The following MAX variants were observed in gnomAD, a reference collection of about 807,000 sequenced individuals.
MAX encodes the protein MYC associated transcriptional regulator X.
A neutral mutation model predicts 22.3 loss-of-function variants in MAX; 3 were observed. That is an observed-to-expected ratio of 0.13 (90% CI 0.06 to 0.35). The LOEUF (loss-of-function observed/expected upper bound fraction) is 0.35. Among genes scored for constraint, MAX ranks in the 10% least tolerant of loss-of-function variants. MAX has a pLI of 1.00. For missense variants in MAX, 119 were observed against 209.4 expected, an observed-to-expected ratio of 0.57 and a Z score of 2.66; for synonymous variants, 72 against 77.7, an observed-to-expected ratio of 0.93 and a Z score of 0.39.
In MAX at chr14:65,046,136, C is replaced by A. The variant is rs142370956; in HGVS notation, c.172-39852G>T. On this transcript the variant is annotated intron_variant, in intron 3 of 3. Coordinates refer to the MAX transcript ENST00000341653. ...GGATTATAGGCATGCACCACCACGCCCAGCCAATTTTGTATTTTTAGTAGA... is the reference window on the plus strand; with the variant it reads ...GGATTATAGGCATGCACCACCACGCACAGCCAATTTTGTATTTTTAGTAGA... 1.6e-3 allele frequency among the ~76,000 whole-genome samples: 245 copies of A among 152,144 alleles called. 1 individual carries two copies. The highest frequency in any genetic ancestry group is 5.9e-3 in the African/African-American group (244 of 41,508).
chr14:65,086,904 TAGG>T (rs2063348991), intron 3 of MAX, among the ~76,000 whole-genome samples: 1 of 152,198 alleles, frequency 6.6e-6, no homozygotes, highest in African/African-American at 2.4e-5. Context: ...CCCAGAGGCC[TAGG>T]AGGAAAAACT....
Position 65,009,841 on chromosome 14 carries a change from C to T in MAX, c.172-3557G>A, listed in dbSNP as rs769857480. ...AGTTTTCTGACCCTCCATCTCTTCC[C>T]GTGGCTGATCACAGCGTTTATTGGA... is the stretch of plus-strand genomic sequence containing the variant. On this transcript the variant is annotated intron_variant, in intron 3 of 3. Transcript: ENST00000341653. This position sits in a 1 kb window ranked among gnomAD's most constrained non-coding sequence, Gnocchi z 4.2. Among the ~76,000 whole-genome samples the T allele has an allele frequency of 6.6e-5, 10 of 152,152 alleles. No individual in the cohort carries two copies. The highest frequency in any genetic ancestry group is 2.1e-4 in the South Asian group (1 of 4,832).
At chr14:65,102,551 G>C, upstream of MAX, 1 of 1,446,596 alleles carries the variant, frequency 6.9e-7, no homozygotes, top group South Asian at 1.4e-5. Flanking sequence ...CGCACGCCCG[G>C]TCGGCCCCCG....
intron 3 of MAX, among the ~76,000 whole-genome samples, chr14:65,051,956 G>A (rs1281142289): frequency 3.3e-5 from 5 of 151,550 alleles, no homozygotes; most frequent in Admixed American, 6.6e-5. Context: ...CACCATGTCC[G>A]GCTAATTTTT....
chr14:65,052,877 T>C (rs529978930), intron 3 of MAX, among the ~76,000 whole-genome samples: 1 of 152,154 alleles, frequency 6.6e-6, no homozygotes, highest in Admixed American at 6.5e-5. Context: ...AAGTCCAGGG[T>C]AGAGTTATGG....
At position 65,030,722 on chromosome 14, in the gene MAX, A is replaced by G. The variant is rs112148813; in HGVS notation, c.172-24438T>C. On this transcript the variant is annotated intron_variant, in intron 3 of 3. Transcript: ENST00000341653. The surrounding 1 kb of genome is among the most constrained non-coding windows in gnomAD (Gnocchi z 4.5). ...GCCACTGCACTGCAGCCTGGGCAACAAAGTGAGATCCTATCTTAAAAAAAA... is the reference window on the plus strand; with the variant it reads ...GCCACTGCACTGCAGCCTGGGCAACGAAGTGAGATCCTATCTTAAAAAAAA... 6.3e-3 allele frequency among the ~76,000 whole-genome samples: 965 copies of G among 152,180 alleles called. 17 individuals are homozygous for G. Among genetic ancestry groups the G allele is most frequent in the South Asian group, 0.044 (210 of 4,820 alleles).
chr14:65,033,109 C>T (rs927239612), intron 3 of MAX, among the ~76,000 whole-genome samples: 1 of 152,040 alleles, frequency 6.6e-6, no homozygotes, highest in Non-Finnish European at 1.5e-5. Context: ...ATTCAGTGCT[C>T]ATAAGCACGA....
At chr14:65,061,776 C>A in intron 3 of MAX, 1 of 158,574 alleles carries the variant, frequency 6.3e-6, no homozygotes, top group Non-Finnish European at 1.4e-5. Flanking sequence ...GATGAGTTCT[C>A]TGTAAGACTG....
Position 65,032,012 on chromosome 14 carries a change from G to A in MAX, c.172-25728C>T, listed in dbSNP as rs960311855. On this transcript the variant is annotated intron_variant, in intron 3 of 3. Transcript: ENST00000341653. The surrounding 1 kb of genome is among the most constrained non-coding windows in gnomAD (Gnocchi z 5.0). The stretch of plus-strand genomic sequence containing the variant: ...TGTGTGTGTGTGTGTGTGTGTGTGT[G>A]TGTGTGTACTGGTGAGAGGTTTGAA... 6.6e-6 allele frequency among the ~76,000 whole-genome samples: 1 copy of A among 151,746 alleles called. No individual in the cohort carries two copies. The highest frequency in any genetic ancestry group is 2.1e-4 in the South Asian group (1 of 4,804).
intron 3 of MAX, among the ~76,000 whole-genome samples, chr14:65,024,789 A>C (rs930537179): frequency 2.6e-5 from 4 of 152,024 alleles, no homozygotes; most frequent in Non-Finnish European, 5.9e-5. Flanking sequence ...GGGAAAAAAA[A>C]ATATTTTTTT....
chr14:65,085,507 T>A (rs1051638701), intron 3 of MAX, among the ~76,000 whole-genome samples: 1 of 151,636 alleles, frequency 6.6e-6, no homozygotes, highest in African/African-American at 2.4e-5. Flanking sequence ...CTTGGGGGAG[T>A]GAGACCTCTC....
chr14:65,038,955 A>G (rs913077759), intron 3 of MAX, among the ~76,000 whole-genome samples: 3 of 152,016 alleles, frequency 2.0e-5, no homozygotes, highest in African/African-American at 7.2e-5. Context: ...CTTACTTCAT[A>G]TAATATTTTA....
intron 3 of MAX, among the ~76,000 whole-genome samples, chr14:65,042,553 T>G (rs2062376252): frequency 1.3e-5 from 2 of 152,188 alleles, no homozygotes; most frequent in Admixed American, 1.3e-4. Context: ...AAATACAGAT[T>G]AAGCTTCACT....
chr14:65,064,706 A>G (rs1000472630), intron 3 of MAX, among the ~76,000 whole-genome samples: 3 of 152,232 alleles, frequency 2.0e-5, no homozygotes, highest in Non-Finnish European at 4.4e-5. Flanking sequence ...CTCCCTTGAG[A>G]GGGAAATGAG....
intron 3 of MAX, among the ~76,000 whole-genome samples, chr14:65,033,761 G>A (rs1398630841): frequency 6.6e-6 from 1 of 152,172 alleles, no homozygotes; most frequent in Non-Finnish European, 1.5e-5. Context: ...GGAAGCTGAG[G>A]CAGGAGAATG....
At chr14:65,040,319 A>G (rs2062319480) in intron 3 of MAX, among the ~76,000 whole-genome samples, 1 of 149,792 alleles carries the variant, frequency 6.7e-6, no homozygotes, top group Non-Finnish European at 1.5e-5. Flanking sequence ...GTATATATGT[A>G]CATATATGTA....
At chr14:65,102,573 G>A, upstream of MAX, 1 of 1,436,136 alleles carries the variant, frequency 7.0e-7, no homozygotes, top group South Asian at 1.4e-5. Context: ...CACGTGACCA[G>A]GCTCGCAGCG....
chr14:65,061,542 C>G (rs572540942), intron 3 of MAX: 5 of 597,364 alleles, frequency 8.4e-6, no homozygotes, highest in Non-Finnish European at 1.1e-5. Flanking sequence ...TATCAGCCCA[C>G]GTGGTGTGGT....
chr14:65,093,892 G>A lies in MAX; in HGVS notation c.64-77C>T. 1.2e-6 allele frequency: 1 copy of A among 859,748 alleles called. No individual in the cohort carries two copies. The highest frequency in any genetic ancestry group is 1.7e-5 in the Admixed American group (1 of 58,278). The allele number at this position is 859,748 out of a possible 1,614,324, so 53.3% of individuals were successfully genotyped here. On this transcript the variant is annotated intron_variant, in intron 2 of 4. Coordinates refer to ENST00000358664, the MANE Select transcript of MAX (RefSeq NM_002382.5). This position sits in a 1 kb window ranked among gnomAD's most constrained non-coding sequence, Gnocchi z 4.4. ...TACAAGGTGGGTGGGGTACAGCCTG[G>A]AAGTACACGCTGTCAGCACTGTCCC...
Sources: gnomAD v4.1 joint callset for allele counts (sites outside exome capture counted in the v4.1 genomes callset) on GRCh38, gnomAD v4.1.1 for gene constraint, Gnocchi (gnomAD v3.1) non-coding constraint, MANE v1.5 for transcripts, NCBI Gene and HGNC (gene_info 2026-07-23, HGNC 2026-07-21) for gene names.